SSH1: variants seen among roughly 807,000 people sequenced by gnomAD.
SSH1 encodes slingshot protein phosphatase 1.
In SSH1, 43 loss-of-function variants were observed where a neutral mutation model predicts 79.7. The observed-to-expected ratio is 0.54, with a 90% CI of 0.42 to 0.70. The LOEUF (loss-of-function observed/expected upper bound fraction) is 0.70, where lower values mean the gene tolerates loss of function less well. Ranked by LOEUF, SSH1 falls within the 30% of genes least tolerant of loss-of-function variation. SSH1 has a pLI of 0.00. For synonymous variants in SSH1, 599 were observed against 538.3 expected (o/e 1.11, Z -1.56); for missense variants, 1,206 against 1,358.8 (o/e 0.89, Z 1.77).
chr12:108,832,230 G>A (rs978081886), intron 2 of SSH1, among the ~76,000 whole-genome samples: 4 of 152,056 alleles, frequency 2.6e-5, no homozygotes, highest in Non-Finnish European at 4.4e-5. Flanking sequence ...CCGGGAGGCA[G>A]AGGTTGCAGT....
chr12:108,805,824 C>T (rs540384304), intron 9 of SSH1, among the ~76,000 whole-genome samples: 2 of 152,092 alleles, frequency 1.3e-5, no homozygotes, highest in Non-Finnish European at 2.9e-5. Flanking sequence ...AAAAGTGATC[C>T]AGGAAAAAAC....
At chr12:108,813,010 A>G (rs2037694572) in intron 5 of SSH1, among the ~76,000 whole-genome samples, 1 of 152,066 alleles carries the variant, frequency 6.6e-6, no homozygotes. Flanking sequence ...CCACAGGCAC[A>G]TGCCACTATG....
chr12:108,854,239 T>C (rs2039100815), intron 1 of SSH1, among the ~76,000 whole-genome samples: 1 of 152,220 alleles, frequency 6.6e-6, no homozygotes, highest in Non-Finnish European at 1.5e-5. Flanking sequence ...ACACACAGGA[T>C]GGTCCCCCCA....
At chr12:108,847,950 C>A (rs1036224614) in intron 2 of SSH1, among the ~76,000 whole-genome samples, 1 of 152,122 alleles carries the variant, frequency 6.6e-6, no homozygotes, top group African/African-American at 2.4e-5. Flanking sequence ...CTGGGGCAGG[C>A]GCACTTTTAG....
intron 7 of SSH1, among the ~76,000 whole-genome samples, chr12:108,808,750 A>G (rs1425667894): frequency 6.6e-6 from 1 of 151,634 alleles, no homozygotes; most frequent in African/African-American, 2.4e-5. Context: ...AAACTAACTG[A>G]AGAGGTTTGG....
At chr12:108,838,631 C>T (rs1196364907) in intron 2 of SSH1, among the ~76,000 whole-genome samples, 1 of 152,174 alleles carries the variant, frequency 6.6e-6, no homozygotes, top group Non-Finnish European at 1.5e-5. Flanking sequence ...GCTGACCTCA[C>T]CTCTTAAGAC....
intron 2 of SSH1, chr12:108,826,147 C>T (rs753434834): frequency 1.8e-5 from 8 of 455,452 alleles, no homozygotes; most frequent in South Asian, 1.6e-5. Context: ...TTAACGATGA[C>T]CTTTGCCTTG....
rs1206974646 is a variant in SSH1 at position 108,823,380 on chromosome 12, G to C, written c.111-19C>G. 6.4e-7 allele frequency: 1 copy of C among 1,551,096 alleles called. No individual in the cohort carries two copies. The highest frequency in any genetic ancestry group is 8.7e-7 in the Non-Finnish European group (1 of 1,143,290). ...ACTTAAGCTGGGAAGGATAAGACCA[G>C]AGCACAGTTAGACCGGAATTCAGAC... On this transcript the variant is annotated intron_variant, in intron 2 of 14. Transcript: ENST00000326495.
intron 2 of SSH1, among the ~76,000 whole-genome samples, chr12:108,838,970 C>G (rs2038710059): frequency 1.3e-5 from 2 of 152,176 alleles, no homozygotes. Flanking sequence ...TTCTTCGTGT[C>G]CCGATTTTCT....
chr12:108,815,875 T>C (rs758727111), intron 5 of SSH1, among the ~76,000 whole-genome samples: 1 of 152,188 alleles, frequency 6.6e-6, no homozygotes, highest in Non-Finnish European at 1.5e-5. Flanking sequence ...TCCTCCCTTT[T>C]TTATTCATCT....
chr12:108,825,579 G>C (rs1346434023), intron 2 of SSH1, among the ~76,000 whole-genome samples: 1 of 152,196 alleles, frequency 6.6e-6, no homozygotes, highest in Non-Finnish European at 1.5e-5. Flanking sequence ...CTGAATTCCA[G>C]GCAATTGGTT....
At chr12:108,840,400 G>A (rs924524487) in intron 2 of SSH1, among the ~76,000 whole-genome samples, 4 of 152,010 alleles carry the variant, frequency 2.6e-5, no homozygotes, top group African/African-American at 4.8e-5. Context: ...AGGCATGGTG[G>A]TACAAGCCTA....
At chr12:108,819,742 T>C (rs1481705477) in intron 3 of SSH1, among the ~76,000 whole-genome samples, 1 of 151,982 alleles carries the variant, frequency 6.6e-6, no homozygotes, top group Non-Finnish European at 1.5e-5. Context: ...GGCAGGAGGA[T>C]CGCTGGAGCC....
intron 1 of SSH1, among the ~76,000 whole-genome samples, chr12:108,855,185 C>T (rs1323625959): frequency 2.0e-5 from 3 of 152,144 alleles, no homozygotes; most frequent in Non-Finnish European, 2.9e-5. Context: ...CCACATGCTA[C>T]AATATGCATG....
In SSH1 at chr12:108,788,074, G is replaced by A; in HGVS notation, c.3064C>T (p.Pro1022Ser). The change falls in exon 15 of 15, where the codon CCG becomes TCG. Residue 1022 changes from proline (P) to serine (S), a missense_variant. Pro to Ser is a moderately conservative substitution (Grantham distance 74). Coordinates refer to ENST00000326495, the MANE Select transcript of SSH1 (RefSeq NM_018984.4). The stretch of plus-strand genomic sequence containing the variant: ...TTGGAGGTTGCAGCTGGGTCCCTCG[G>A]GGTTCCCTGGGGCTCATGCAAGAAG... ...SSFLHEPQGT[P>S]RDPAATSKPS... 1 of 1,614,108 alleles carries A rather than the reference G, an allele frequency of 6.2e-7. No individual in the cohort carries two copies. Among genetic ancestry groups the A allele is most frequent in the South Asian group, 1.1e-5 (1 of 91,068 alleles).
At position 108,817,376 on chromosome 12, in the gene SSH1, C is replaced by T. The variant is rs1022219252; in HGVS notation, c.280-217G>A. On this transcript the variant is annotated intron_variant, in intron 4 of 14. Coordinates refer to ENST00000326495, the MANE Select transcript of SSH1 (RefSeq NM_018984.4). ...ATCACTTGAGGTCAGGAGTTCGAGA[C>T]CAGCCTGGCCAACATGGCAAAACCC... 3 of 523,416 alleles carry T rather than the reference C, an allele frequency of 5.7e-6. No individual in the cohort carries two copies. In the African/African-American group the frequency reaches 5.8e-5, roughly 10 times the overall value. 32.4% of individuals were successfully genotyped at this position (523,416 alleles called of 1,614,324 possible). A position where few individuals can be genotyped will look rare whatever the true frequency, so the allele number is the denominator to read the frequency against.
In SSH1 at chr12:108,788,897, G is replaced by C; in HGVS notation, c.2241C>G (p.Thr747=). ...GGAGGGACTTTGGCAGGACTTTTGG[G>C]GTCTCTCTGGAAGGTTCCAAAAGGC... ...PASLLEPSRE[T]PKVLPKSLLL... is the part of the protein sequence containing the mutation. The change falls in exon 15 of 15, where the codon ACC becomes ACG. Residue 747 remains threonine (T), a synonymous_variant. Coordinates refer to ENST00000326495, the MANE Select transcript of SSH1 (RefSeq NM_018984.4). 1 of 1,614,190 alleles carries C rather than the reference G, an allele frequency of 6.2e-7. No homozygotes were observed. The highest frequency in any genetic ancestry group is 2.2e-5 in the East Asian group (1 of 44,888).
intron 2 of SSH1, 22 bp downstream of exon 2, chr12:108,852,616 C>T: frequency 1.2e-6 from 2 of 1,613,752 alleles, no homozygotes; most frequent in Non-Finnish European, 1.7e-6. Context: ...GACTTAGGAA[C>T]AAGAATTGAA....
At position 108,831,447 on chromosome 12, in the gene SSH1, A is replaced by G. The variant is rs138677759; in HGVS notation, c.111-8086T>C. Among the ~76,000 whole-genome samples the G allele has an allele frequency of 5.2e-3, 789 of 152,308 alleles. 3 individuals carry two copies. Among genetic ancestry groups the G allele is most frequent in the Non-Finnish European group, 7.2e-3 (490 of 68,020 alleles). ...GTCCGGTCAGTGCTAAGGCCTGAGA[A>G]TTTAGAAGTGAAACAGACCCGGTTT... is the stretch of plus-strand genomic sequence containing the variant. On this transcript the variant is annotated intron_variant, in intron 2 of 14. Coordinates refer to ENST00000326495, the MANE Select transcript of SSH1 (RefSeq NM_018984.4).
Sources: gnomAD v4.1 joint callset for allele counts (sites outside exome capture counted in the v4.1 genomes callset) on GRCh38, gnomAD v4.1.1 for gene constraint, MANE v1.5 for transcripts, NCBI Gene and HGNC (gene_info 2026-07-23, HGNC 2026-07-21) for gene names.